Variants in RAP1GAP2 observed in about 807,000 individuals in gnomAD.
The protein encoded by RAP1GAP2 is RAP1 GTPase activating protein 2.
Under a neutral mutation model 95.0 loss-of-function variants are expected in RAP1GAP2, and 27 were observed. That is an observed-to-expected ratio of 0.28 (90% CI 0.21 to 0.39). The LOEUF (loss-of-function observed/expected upper bound fraction) is 0.39, where lower values mean the gene tolerates loss of function less well. RAP1GAP2 is among the 10% of genes least tolerant of loss of function. The probability of loss-of-function intolerance (pLI) is 1.00; values close to 1 mark genes in which losing one functional copy is unlikely to be tolerated. For synonymous variants in RAP1GAP2, 373 were observed against 380.9 expected (o/e 0.98, Z 0.24); for missense variants, 771 against 970.0 (o/e 0.79, Z 2.72).
intron 2 of RAP1GAP2, among the ~76,000 whole-genome samples, chr17:2,808,110 A>G (rs1231018827): frequency 6.6e-6 from 1 of 151,910 alleles, no homozygotes; most frequent in East Asian, 1.9e-4. Flanking sequence ...CCTTTCGCCC[A>G]GTAAATCCCG....
chr17:3,018,150 C>A lies in RAP1GAP2; in HGVS notation c.1584C>A (p.Ser528Arg). The A allele has an allele frequency of 6.3e-7, 1 of 1,580,066 alleles. No homozygotes were observed. Among genetic ancestry groups the A allele is most frequent in the Non-Finnish European group, 8.6e-7 (1 of 1,163,714 alleles). ...SHSGGIPGSL[S>R]GGISHNSMEV... ...GTGGGGGCATCCCTGGCAGCCTCAGCGGGGGCATCTCCCACAACAGCATGG... is the reference window on the plus strand; with the variant it reads ...GTGGGGGCATCCCTGGCAGCCTCAGAGGGGGCATCTCCCACAACAGCATGG... Residue 528 changes from serine (S) to arginine (R), a missense_variant, in exon 18 of 25, where the codon AGC becomes AGA. Coordinates refer to ENST00000254695, the MANE Select transcript of RAP1GAP2 (RefSeq NM_015085.5).
intron 3 of RAP1GAP2, among the ~76,000 whole-genome samples, chr17:2,930,617 C>CA (rs1460138231): frequency 2.0e-5 from 3 of 152,222 alleles, no homozygotes; most frequent in Non-Finnish European, 4.4e-5. Context: ...GCTTCAAACA[C>CA]ACGCACAGAG....
chr17:2,915,551 G>A (rs770896243), intron 3 of RAP1GAP2, among the ~76,000 whole-genome samples: 6 of 151,938 alleles, frequency 3.9e-5, no homozygotes, highest in East Asian at 1.9e-4. Flanking sequence ...TTTTCTTAAC[G>A]GTGTCTTTAA....
chr17:2,826,616 C>T (rs911316036), intron 2 of RAP1GAP2, among the ~76,000 whole-genome samples: 1 of 151,822 alleles, frequency 6.6e-6, no homozygotes, highest in African/African-American at 2.4e-5. Context: ...GGGGTGGGGC[C>T]TGAATGTCCT....
intron 3 of RAP1GAP2, among the ~76,000 whole-genome samples, chr17:2,927,814 C>T (rs979361694): frequency 1.3e-5 from 2 of 152,244 alleles, no homozygotes; most frequent in East Asian, 1.9e-4. Flanking sequence ...CATAGCGGGC[C>T]TTCCCTCTGT....
intron 2 of RAP1GAP2, among the ~76,000 whole-genome samples, chr17:2,808,579 C>A (rs946459858): frequency 6.6e-6 from 1 of 152,174 alleles, no homozygotes; most frequent in Non-Finnish European, 1.5e-5. Flanking sequence ...CTCGCTGGCC[C>A]GGCTCGGCTC....
chr17:2,868,765 T>G (rs57051682), intron 2 of RAP1GAP2, among the ~76,000 whole-genome samples: 32,308 of 152,044 alleles, frequency 0.21, 5,120 homozygotes, highest in African/African-American at 0.45. Context: ...GTGATCTGCC[T>G]GCCTTGGCCT....
chr17:2,909,579 G>T (rs1239547167), intron 3 of RAP1GAP2, among the ~76,000 whole-genome samples: 1 of 152,242 alleles, frequency 6.6e-6, no homozygotes, highest in East Asian at 1.9e-4. Context: ...CATCCACTGG[G>T]TGCCTGCCCC....
upstream of RAP1GAP2, among the ~76,000 whole-genome samples, chr17:2,792,550 A>G (rs2068951476): frequency 6.6e-6 from 1 of 152,142 alleles, no homozygotes; most frequent in Admixed American, 6.5e-5. Context: ...GCCGTCTGGG[A>G]GAGTCCCTTC....
At chr17:2,982,872 T>C (rs2045417686) in intron 10 of RAP1GAP2, among the ~76,000 whole-genome samples, 2 of 152,234 alleles carry the variant, frequency 1.3e-5, no homozygotes, top group African/African-American at 4.8e-5. Flanking sequence ...GAAGGACCGC[T>C]GAGTCCGGCT....
intron 8 of RAP1GAP2, among the ~76,000 whole-genome samples, chr17:2,967,221 A>C (rs920059374): frequency 6.6e-6 from 1 of 152,124 alleles, no homozygotes; most frequent in Non-Finnish European, 1.5e-5. Context: ...ACAAAAAAAA[A>C]TTAGCTGGGC....
chr17:3,015,067 C>T (rs1032533793), intron 17 of RAP1GAP2, among the ~76,000 whole-genome samples: 2 of 152,120 alleles, frequency 1.3e-5, no homozygotes, highest in Non-Finnish European at 2.9e-5. Context: ...CTCAGTGTGC[C>T]ACCACCCCTG....
At chr17:2,958,156 T>C (rs1393614546) in intron 4 of RAP1GAP2, among the ~76,000 whole-genome samples, 2 of 151,860 alleles carry the variant, frequency 1.3e-5, no homozygotes, top group African/African-American at 2.4e-5. Flanking sequence ...TCATCTTGCA[T>C]AGGGAGGCAG....
intron 2 of RAP1GAP2, among the ~76,000 whole-genome samples, chr17:2,806,600 T>A (rs1176867986): frequency 6.6e-6 from 1 of 151,582 alleles, no homozygotes; most frequent in African/African-American, 2.4e-5. Flanking sequence ...TTTCGCTGTG[T>A]TGGCCAGGCT....
At chr17:2,770,127 G>A (rs953595729) in intron 1 of RAP1GAP2, among the ~76,000 whole-genome samples, 30 of 151,248 alleles carry the variant, frequency 2.0e-4, no homozygotes, top group Non-Finnish European at 2.7e-4. Context: ...CATTTATTGC[G>A]TTGAAATCTG....
At position 2,871,803 on chromosome 17, in the gene RAP1GAP2, G is replaced by A. The variant is rs916141271; in HGVS notation, c.81-33481G>A. 2.6e-5 allele frequency among the ~76,000 whole-genome samples: 4 copies of A among 152,304 alleles called. No individual in the cohort carries two copies. Among genetic ancestry groups the A allele is most frequent in the Admixed American group, 6.5e-5 (1 of 15,304 alleles). On this transcript the variant is annotated intron_variant, in intron 2 of 24. Transcript: ENST00000254695. The surrounding 1 kb of genome is among the most constrained non-coding windows in gnomAD (Gnocchi z 5.0). ...CATCTTTCCACACACGTGGAATGAC[G>A]TAGAATGAGGTCATTCACGGCAATA...
Position 2,905,187 on chromosome 17 carries a change from T to C in RAP1GAP2, c.81-97T>C, listed in dbSNP as rs1439123518. On this transcript the variant is annotated intron_variant, in intron 2 of 24. Transcript: ENST00000254695. ...CGTGAGCCACCCAACCCAGCCTGCA[T>C]TGTATGTTAAACTGTGTCCGAGAGC... 8.8e-6 allele frequency: 10 copies of C among 1,137,236 alleles called. 1 individual carries two copies. The East Asian group carries it at 2.4e-4, about 27-fold the overall frequency. 70.4% of individuals were successfully genotyped at this position (1,137,236 alleles called of 1,614,324 possible).
intron 1 of RAP1GAP2, among the ~76,000 whole-genome samples, chr17:2,781,896 C>G (rs915187596): frequency 4.6e-5 from 7 of 151,588 alleles, no homozygotes; most frequent in Non-Finnish European, 1.0e-4. Flanking sequence ...GTGCACGTCT[C>G]TGTGTGTGCA....
intron 1 of RAP1GAP2, among the ~76,000 whole-genome samples, chr17:2,785,278 C>G (rs1209267092): frequency 6.6e-6 from 1 of 152,062 alleles, no homozygotes; most frequent in African/African-American, 2.4e-5. Context: ...AAGGGGGACT[C>G]TGGGTTTGAA....
Sources: gnomAD v4.1 joint callset for allele counts (sites outside exome capture counted in the v4.1 genomes callset) on GRCh38, gnomAD v4.1.1 for gene constraint, Gnocchi (gnomAD v3.1) non-coding constraint, MANE v1.5 for transcripts, NCBI Gene and HGNC (gene_info 2026-07-23, HGNC 2026-07-21) for gene names.